The following MMP16 variants were observed in gnomAD, a reference collection of about 807,000 sequenced individuals.
The protein encoded by MMP16 is matrix metalloproteinase-16.
A neutral mutation model predicts 67.8 loss-of-function variants in MMP16; 12 were observed. The ratio of observed to expected loss-of-function variants is 0.18; its 90% confidence interval spans 0.11 to 0.29. The LOEUF (loss-of-function observed/expected upper bound fraction) is 0.29, where lower values mean the gene tolerates loss of function less well. MMP16 is among the 10% of genes least tolerant of loss of function. The probability of loss-of-function intolerance (pLI) is 1.00; values close to 1 mark genes in which losing one functional copy is unlikely to be tolerated. For synonymous variants in MMP16, 249 were observed against 255.9 expected, an observed-to-expected ratio of 0.97 and a Z score of 0.26; for missense variants, 475 against 765.7, an observed-to-expected ratio of 0.62 and a Z score of 4.48.
rs375858077 is a variant in MMP16, at chr8:88,133,963, T to C, written c.710-15102A>G. Among the ~76,000 whole-genome samples the C allele has an allele frequency of 5.3e-5, 8 of 151,842 alleles. No homozygotes were observed. In the East Asian group the frequency reaches 1.6e-3, roughly 30 times the overall value. ...AATTCAGTATCAGTATACACAGCAT[T>C]AAGCACAGTTTTCTGTTGTAAATAA... On this transcript the variant is annotated intron_variant, in intron 4 of 9. Coordinates refer to ENST00000286614, the MANE Select transcript of MMP16 (RefSeq NM_005941.5).
At chr8:88,128,279 T>C (rs549492210) in intron 4 of MMP16, among the ~76,000 whole-genome samples, 1 of 151,976 alleles carries the variant, frequency 6.6e-6, no homozygotes, top group South Asian at 2.1e-4. Flanking sequence ...CCAGAAACTT[T>C]TTTTATTTTA....
intron 8 of MMP16, among the ~76,000 whole-genome samples, chr8:88,053,160 G>A (rs919774401): frequency 1.3e-5 from 2 of 152,204 alleles, no homozygotes; most frequent in Admixed American, 6.5e-5. Flanking sequence ...AATAGAATGT[G>A]CTGCCTCATG....
chr8:88,142,619 G>T (rs1404283347), intron 4 of MMP16, among the ~76,000 whole-genome samples: 2 of 152,050 alleles, frequency 1.3e-5, no homozygotes, highest in Non-Finnish European at 2.9e-5. Context: ...TACAGTGAAA[G>T]ATTTACTAGA....
chr8:88,036,280 G>C lies in MMP16; in HGVS notation c.*5181C>G. The C allele has an allele frequency of 6.6e-6, 1 of 151,840 alleles. No homozygotes were observed. Among genetic ancestry groups the C allele is most frequent in the Non-Finnish European group, 1.5e-5 (1 of 67,824 alleles). 9.4% of individuals were successfully genotyped at this position (151,840 alleles called of 1,614,324 possible). A position where few individuals can be genotyped will look rare whatever the true frequency, so the allele number is the denominator to read the frequency against. The stretch of plus-strand genomic sequence containing the variant: ...TAATCATCACTAGTGCAAAGAGCTT[G>C]AAGTTGGATTTTTTTCCTCCACTAT... On this transcript the variant is annotated 3_prime_UTR_variant, in exon 10 of 10. Transcript: ENST00000286614.
intron 1 of MMP16, among the ~76,000 whole-genome samples, chr8:88,326,254 G>A (rs1387455246): frequency 6.6e-6 from 1 of 152,146 alleles, no homozygotes; most frequent in Non-Finnish European, 1.5e-5. Flanking sequence ...GTGCTGACTT[G>A]ATGACAGGAA....
intron 4 of MMP16, among the ~76,000 whole-genome samples, chr8:88,147,111 T>C (rs1808306274): frequency 6.6e-6 from 1 of 152,032 alleles, no homozygotes; most frequent in South Asian, 2.1e-4. Context: ...AATTTTAAAA[T>C]TATATTATCA....
intron 5 of MMP16, 24 bp from the exon 6 acceptor site, chr8:88,116,742 C>G: frequency 6.3e-7 from 1 of 1,596,636 alleles, no homozygotes. Context: ...GAGGACAGTG[C>G]TTGGCTCACT....
chr8:88,164,052 A>G (rs764502308), intron 4 of MMP16, among the ~76,000 whole-genome samples: 2 of 152,144 alleles, frequency 1.3e-5, no homozygotes, highest in Admixed American at 6.6e-5. Flanking sequence ...AGGAAAGTAG[A>G]TAACAATGAA....
In MMP16 at chr8:88,056,213, G is replaced by A. The variant is rs1186747588; in HGVS notation, c.1288C>T (p.Leu430Phe). The A allele has an allele frequency of 1.9e-6, 3 of 1,600,878 alleles. No individual in the cohort carries two copies. Among genetic ancestry groups the A allele is most frequent in the South Asian group, 1.1e-5 (1 of 89,266 alleles). Residue 430 changes from leucine (L) to phenylalanine (F), a missense_variant, in exon 8 of 10, where the codon CTT (leucine) becomes TTT (phenylalanine). Coordinates refer to ENST00000286614, the MANE Select transcript of MMP16 (RefSeq NM_005941.5). Reference sequence around the variant, plus strand: ...CCATGAGGGGGAATTCCACTTCCAAGGGTTATCAAGTCATGAGGGTAACCA... The same window carrying A: ...CCATGAGGGGGAATTCCACTTCCAAAGGTTATCAAGTCATGAGGGTAACCA... ...QPGYPHDLIT[L>F]GSGIPPHGID...
At chr8:88,287,265 T>C (rs1810847128) in intron 1 of MMP16, among the ~76,000 whole-genome samples, 1 of 152,200 alleles carries the variant, frequency 6.6e-6, no homozygotes, top group Non-Finnish European at 1.5e-5. Flanking sequence ...TTTCCAGCCC[T>C]TTGTTCTCAG....
chr8:88,180,550 T>C (rs1307078429), intron 3 of MMP16, among the ~76,000 whole-genome samples: 8 of 152,024 alleles, frequency 5.3e-5, no homozygotes, highest in African/African-American at 1.2e-4. Flanking sequence ...AGCCATTACA[T>C]AATGATAAAG....
At chr8:88,178,651 T>C (rs1808930940) in intron 3 of MMP16, among the ~76,000 whole-genome samples, 1 of 152,202 alleles carries the variant, frequency 6.6e-6, no homozygotes, top group Non-Finnish European at 1.5e-5. Context: ...GTATTACAGC[T>C]TTTATTCTTG....
chr8:88,262,853 A>G (rs1211603179), intron 1 of MMP16, among the ~76,000 whole-genome samples: 3 of 128,762 alleles, frequency 2.3e-5, no homozygotes, highest in African/African-American at 1.1e-4. Context: ...ATACAAAAAA[A>G]AAAAAAAAAA....
chr8:88,276,158 G>A (rs1264494886), intron 1 of MMP16, among the ~76,000 whole-genome samples: 1 of 152,046 alleles, frequency 6.6e-6, no homozygotes, highest in East Asian at 1.9e-4. Flanking sequence ...GAATTGGACA[G>A]AGAAAATGAA....
chr8:88,277,296 C>T (rs1810663374), intron 1 of MMP16, among the ~76,000 whole-genome samples: 1 of 152,132 alleles, frequency 6.6e-6, no homozygotes, highest in African/African-American at 2.4e-5. Context: ...TAATTTGTCA[C>T]TATGATTATG....
At chr8:88,264,537 CAT>C (rs769426594) in intron 1 of MMP16, among the ~76,000 whole-genome samples, 29 of 152,292 alleles carry the variant, frequency 1.9e-4, no homozygotes, top group African/African-American at 4.8e-4. Context: ...AAATATCTCA[CAT>C]GTTTTTAAAG....
chr8:88,137,563 A>G (rs576275865), intron 4 of MMP16, among the ~76,000 whole-genome samples: 27 of 151,998 alleles, frequency 1.8e-4, no homozygotes, highest in Non-Finnish European at 3.4e-4. Flanking sequence ...ATGTCTGAGT[A>G]ATAATCTTTG....
At chr8:88,202,646 C>T (rs942926472) in intron 1 of MMP16, among the ~76,000 whole-genome samples, 1 of 151,984 alleles carries the variant, frequency 6.6e-6, no homozygotes, top group Non-Finnish European at 1.5e-5. Flanking sequence ...CATACACACA[C>T]ACACACATAA....
At chr8:88,134,976 TA>T (rs1354524066) in intron 4 of MMP16, among the ~76,000 whole-genome samples, 2 of 151,640 alleles carry the variant, frequency 1.3e-5, no homozygotes, top group South Asian at 2.1e-4. Flanking sequence ...TTTTCATCAT[TA>T]AAAAAAGGAT....
Sources: allele counts gnomAD v4.1 joint callset (sites outside exome capture counted in the v4.1 genomes callset), GRCh38; gene constraint gnomAD v4.1.1; transcripts MANE v1.5; gene names NCBI Gene and HGNC (gene_info 2026-07-23, HGNC 2026-07-21).